POLD3: variants seen among roughly 807,000 people sequenced by gnomAD.
The protein encoded by POLD3 is DNA polymerase delta subunit 3.
POLD3 carries 19 observed loss-of-function variants against 58.2 expected under a neutral mutation model. The ratio of observed to expected loss-of-function variants is 0.33; its 90% confidence interval spans 0.23 to 0.48. The LOEUF is 0.48. Among genes scored for constraint, POLD3 ranks in the 20% least tolerant of loss-of-function variants. The pLI is 0.99. For synonymous variants in POLD3, 172 were observed against 193.5 expected (o/e 0.89, Z 0.92); for missense variants, 504 against 545.5 (o/e 0.92, Z 0.76).
At chr11:74,607,016 G>A (rs904850688) in intron 3 of POLD3, among the ~76,000 whole-genome samples, 1 of 152,012 alleles carries the variant, frequency 6.6e-6, no homozygotes, top group African/African-American at 2.4e-5. Flanking sequence ...TAGCCTCACT[G>A]GGAAGCTCTG....
chr11:74,613,952 T>C lies in POLD3; in HGVS notation c.392+942T>C, dbSNP rs76641973. Among the ~76,000 whole-genome samples the C allele has an allele frequency of 9.2e-3, 1,401 of 152,214 alleles. 20 individuals carry two copies. The highest frequency in any genetic ancestry group is 0.032 in the African/African-American group (1,331 of 41,530). On this transcript the variant is annotated intron_variant, in intron 5 of 11. Transcript: ENST00000263681. ...ACTTATGACACAGAAGGTTATGATA[T>C]CTCAGTTGAGGCCTGAAGGCCCAGT...
intron 7 of POLD3, among the ~76,000 whole-genome samples, chr11:74,624,667 C>T (rs1356640872): frequency 6.6e-6 from 1 of 152,130 alleles, no homozygotes; most frequent in Non-Finnish European, 1.5e-5. Flanking sequence ...GATGGCTAGG[C>T]CTGTTTGCAT....
chr11:74,620,438 G>A (rs756541393), intron 7 of POLD3, among the ~76,000 whole-genome samples: 4 of 152,138 alleles, frequency 2.6e-5, no homozygotes, highest in Non-Finnish European at 2.9e-5. Context: ...GGTTAATAAC[G>A]TGGATGCTAG....
intron 4 of POLD3, among the ~76,000 whole-genome samples, chr11:74,651,844 T>C (rs1428536511): frequency 1.3e-5 from 2 of 152,148 alleles, no homozygotes; most frequent in African/African-American, 4.8e-5. Context: ...TTCTGTCATA[T>C]CTAAAGACAA....
chr11:74,613,230 T>C (rs990366127), intron 5 of POLD3, among the ~76,000 whole-genome samples: 16 of 152,042 alleles, frequency 1.1e-4, no homozygotes, highest in Non-Finnish European at 1.9e-4. Flanking sequence ...CTATTTCTCA[T>C]GTATTTATCC....
chr11:74,652,440 T>C (rs2033078381), intron 4 of POLD3, among the ~76,000 whole-genome samples: 1 of 152,236 alleles, frequency 6.6e-6, no homozygotes, highest in Non-Finnish European at 1.5e-5. Context: ...TTCTCAGTGC[T>C]TCAAGTAATA....
At chr11:74,620,992 A>G (rs2135152401) in intron 7 of POLD3, among the ~76,000 whole-genome samples, 1 of 152,040 alleles carries the variant, frequency 6.6e-6, no homozygotes, top group Non-Finnish European at 1.5e-5. Context: ...AAAAGCTATC[A>G]GAGAACGTTT....
chr11:74,592,926 C>T (rs1053614350), intron 1 of POLD3: 4 of 1,413,628 alleles, frequency 2.8e-6, no homozygotes, highest in Non-Finnish European at 3.7e-6. Context: ...AGTCCGCGTC[C>T]CTTGGGTGGG....
intron 9 of POLD3, among the ~76,000 whole-genome samples, chr11:74,632,438 T>TATTG (rs1157420795): frequency 6.6e-6 from 1 of 152,160 alleles, no homozygotes; most frequent in Non-Finnish European, 1.5e-5. Flanking sequence ...AGTAAAAATG[T>TATTG]ATTGAGTGGG....
At chr11:74,634,018 G>C (rs1794427029) in intron 9 of POLD3, among the ~76,000 whole-genome samples, 1 of 152,162 alleles carries the variant, frequency 6.6e-6, no homozygotes, top group African/African-American at 2.4e-5. Flanking sequence ...ACTCTGGCAT[G>C]GAACATTTGT....
chr11:74,664,002 G>A (rs567737996), intron 4 of POLD3, among the ~76,000 whole-genome samples: 1 of 152,242 alleles, frequency 6.6e-6, no homozygotes, highest in Non-Finnish European at 1.5e-5. Context: ...CTGAATAAAG[G>A]AAGATATACC....
intron 4 of POLD3, among the ~76,000 whole-genome samples, chr11:74,663,971 G>T (rs1455279291): frequency 6.6e-6 from 1 of 151,822 alleles, no homozygotes; most frequent in South Asian, 2.1e-4. Flanking sequence ...TTAAAAAATG[G>T]GCAAAAAATA....
intron 11 of POLD3, 68 bp downstream of exon 11, chr11:74,636,343 CTT>C: frequency 6.7e-7 from 1 of 1,485,492 alleles, no homozygotes; most frequent in Non-Finnish European, 9.3e-7. Flanking sequence ...ACCATAATCC[CTT>C]TTAGAACAGG....
downstream of POLD3, among the ~76,000 whole-genome samples, chr11:74,645,552 C>T (rs2032988376): frequency 6.6e-6 from 1 of 152,194 alleles, no homozygotes; most frequent in East Asian, 1.9e-4. Flanking sequence ...GAGGCACTGA[C>T]CTTAAGCAAG....
intron 7 of POLD3, 124 bp from the exon 8 acceptor site, chr11:74,625,276 TCTGAATAG>T: frequency 3.4e-6 from 2 of 591,136 alleles, no homozygotes; most frequent in Non-Finnish European, 5.7e-6. Context: ...GAGGAATGTT[TCTGAATAG>T]TCCATGAGCT....
chr11:74,634,218 TA>T (rs1451751480), intron 9 of POLD3, among the ~76,000 whole-genome samples: 1 of 152,182 alleles, frequency 6.6e-6, no homozygotes, highest in African/African-American at 2.4e-5. Context: ...CTATTTACTG[TA>T]ATGTGCAAAT....
chr11:74,610,327 C>T (rs898783342), intron 3 of POLD3, among the ~76,000 whole-genome samples: 2 of 152,132 alleles, frequency 1.3e-5, no homozygotes, highest in African/African-American at 4.8e-5. Flanking sequence ...TCTCCTGCCT[C>T]AGCCTCCCGA....
chr11:74,629,182 T>C, intron 8 of POLD3, 35 bp from the exon 9 acceptor site: 1 of 1,284,066 alleles, frequency 7.8e-7, no homozygotes, highest in Middle Eastern at 1.9e-4. Context: ...TTTTGTTCTG[T>C]GTAACACGCT....
chr11:74,625,279 G>T, intron 7 of POLD3, 129 bp from the exon 8 acceptor site: 2 of 586,556 alleles, frequency 3.4e-6, no homozygotes, highest in Admixed American at 3.3e-5. Flanking sequence ...GAATGTTTCT[G>T]AATAGTCCAT....
Sources: allele counts gnomAD v4.1 joint callset (sites outside exome capture counted in the v4.1 genomes callset), GRCh38; gene constraint gnomAD v4.1.1; transcripts MANE v1.5; gene names NCBI Gene and HGNC (gene_info 2026-07-23, HGNC 2026-07-21).